The following RELN variants were observed in gnomAD, a reference collection of about 807,000 sequenced individuals.
The protein encoded by RELN is reelin.
RELN carries 108 observed loss-of-function variants against 427.6 expected under a neutral mutation model. The observed-to-expected ratio is 0.25, with a 90% CI of 0.22 to 0.30. RELN has a LOEUF of 0.30. RELN is among the 10% of genes least tolerant of loss of function. RELN has a pLI of 1.00. For synonymous variants in RELN, 1,524 were observed against 1,513.4 expected (o/e 1.01, Z -0.16); for missense variants, 3,715 against 4,302.8 (o/e 0.86, Z 3.82).
chr7:103,617,170 G>A (rs144756173), intron 20 of RELN, among the ~76,000 whole-genome samples: 1 of 152,162 alleles, frequency 6.6e-6, no homozygotes, highest in Non-Finnish European at 1.5e-5. Flanking sequence ...CATATACAGT[G>A]TGTGTGTGTG....
chr7:103,875,711 A>G (rs1228612944), intron 2 of RELN, among the ~76,000 whole-genome samples: 1 of 152,140 alleles, frequency 6.6e-6, no homozygotes, highest in Non-Finnish European at 1.5e-5. Context: ...TTTTTCAGGC[A>G]TAGTCTGGAA....
At chr7:103,611,907 T>G in intron 20 of RELN, 104 bp from the exon 21 acceptor site, 1 of 945,820 alleles carries the variant, frequency 1.1e-6, no homozygotes, top group Non-Finnish European at 1.7e-6. Context: ...TTCATTTTAC[T>G]TGTTTAAACC....
chr7:103,756,732 C>A (rs370289383), intron 4 of RELN, among the ~76,000 whole-genome samples: 2 of 150,948 alleles, frequency 1.3e-5, no homozygotes, highest in Non-Finnish European at 2.9e-5. Flanking sequence ...AAATTTACAT[C>A]GTATTTTAAA....
chr7:103,723,172 G>A lies in RELN; in HGVS notation c.773C>T (p.Thr258Ile), dbSNP rs1790120421. The change falls in exon 8 of 65, where the codon ACA (threonine) becomes ATA (isoleucine). Residue 258 changes from threonine to isoleucine, a missense_variant. Thr to Ile is a moderately conservative substitution (Grantham distance 89). Coordinates refer to ENST00000428762, the MANE Select transcript of RELN (RefSeq NM_005045.4). ...AAATTGGAGGACAGAAGCTGTTGTT[G>A]TATTAAGGCCTGTGGTAATCTAAAG... ...PRELITTGLN[T>I]TTASVLQFSI... 1 of 1,592,546 alleles carries A rather than the reference G, an allele frequency of 6.3e-7. No homozygotes were observed. The highest frequency in any genetic ancestry group is 8.6e-7 in the Non-Finnish European group (1 of 1,160,856).
rs1374522926 is a variant in RELN, at chr7:103,502,878, A to G, written c.8489+138T>C. On this transcript the variant is annotated intron_variant, in intron 52 of 64. Transcript: ENST00000428762. The stretch of plus-strand genomic sequence containing the variant: ...ATGGAAGTTATGATGAAAGTAACCA[A>G]TTAGAGAACCTTTAGAGTTAGGGAG... 6.5e-6 allele frequency: 5 copies of G among 766,246 alleles called. No homozygotes were observed. In the East Asian group the frequency reaches 8.0e-5, roughly 12 times the overall value. 47.5% of individuals were successfully genotyped at this position (766,246 alleles called of 1,614,324 possible). A position where few individuals can be genotyped will look rare whatever the true frequency, so the allele number is the denominator to read the frequency against.
At chr7:103,547,770 G>A (rs1266442176) in intron 41 of RELN, among the ~76,000 whole-genome samples, 1 of 152,154 alleles carries the variant, frequency 6.6e-6, no homozygotes, top group Non-Finnish European at 1.5e-5. Context: ...AGCCTACAAG[G>A]ATTTTTTTTG....
chr7:103,888,208 C>A (rs1214018071), intron 2 of RELN, among the ~76,000 whole-genome samples: 1 of 149,752 alleles, frequency 6.7e-6, no homozygotes, highest in Admixed American at 6.8e-5. Context: ...ACATCTGGAC[C>A]TGAGCTCTTT....
chr7:103,738,810 G>A (rs1186279990), intron 6 of RELN, among the ~76,000 whole-genome samples: 3 of 150,068 alleles, frequency 2.0e-5, no homozygotes, highest in Non-Finnish European at 3.0e-5. Context: ...AGCCTCCCGA[G>A]TAGCTGGGAC....
intron 10 of RELN, among the ~76,000 whole-genome samples, chr7:103,694,633 C>T (rs544117319): frequency 4.6e-5 from 7 of 151,816 alleles, no homozygotes; most frequent in East Asian, 1.9e-4. Flanking sequence ...GAAATTTTTC[C>T]GTAAATAGCT....
chr7:103,730,165 G>A (rs569577137), intron 6 of RELN, among the ~76,000 whole-genome samples: 12 of 152,206 alleles, frequency 7.9e-5, no homozygotes, highest in African/African-American at 2.6e-4. Context: ...TCTGCCATTT[G>A]TCTCCAGTGA....
Position 103,488,592 on chromosome 7 carries a change from A to G in RELN, c.9763+1150T>C, listed in dbSNP as rs1247140179. Among the ~76,000 whole-genome samples, 3 of 152,364 alleles carry G rather than the reference A, an allele frequency of 2.0e-5. No homozygotes were observed. In the East Asian group the frequency reaches 5.8e-4, roughly 29 times the overall value. On this transcript the variant is annotated intron_variant, in intron 60 of 64. Transcript: ENST00000428762. ...AAACAACATCAACCAAGAAATCTAA[A>G]TAGATCCGACTCCAGAATTCAAAAA...
intron 10 of RELN, among the ~76,000 whole-genome samples, chr7:103,697,517 T>C (rs1834001132): frequency 6.6e-6 from 1 of 152,146 alleles, no homozygotes; most frequent in African/African-American, 2.4e-5. Flanking sequence ...GTTTCGTATT[T>C]GTATGCTGAC....
intron 4 of RELN, among the ~76,000 whole-genome samples, chr7:103,762,740 ATCT>A (rs1791334213): frequency 1.3e-5 from 2 of 152,152 alleles, no homozygotes; most frequent in South Asian, 4.1e-4. Flanking sequence ...TACATATGTC[ATCT>A]TCTTCCTTCA....
At chr7:103,641,540 G>T (rs1293345435) in intron 16 of RELN, among the ~76,000 whole-genome samples, 1 of 152,074 alleles carries the variant, frequency 6.6e-6, no homozygotes, top group East Asian at 1.9e-4. Context: ...TATTGTTTCA[G>T]GTGTCAGATA....
At chr7:103,747,239 A>G (rs1790862362) in intron 6 of RELN, among the ~76,000 whole-genome samples, 1 of 141,486 alleles carries the variant, frequency 7.1e-6, no homozygotes, top group South Asian at 2.4e-4. Flanking sequence ...CAGGAAGGGG[A>G]ACATCACACA....
chr7:103,765,180 G>A (rs970512349), intron 4 of RELN, among the ~76,000 whole-genome samples: 1 of 152,208 alleles, frequency 6.6e-6, no homozygotes, highest in Non-Finnish European at 1.5e-5. Context: ...GCATATTTAA[G>A]CACAGAGGAG....
intron 6 of RELN, among the ~76,000 whole-genome samples, chr7:103,743,104 T>C (rs1327672892): frequency 6.7e-6 from 1 of 150,042 alleles, no homozygotes; most frequent in Non-Finnish European, 1.5e-5. Flanking sequence ...TGGGGGCCAA[T>C]ATTCAACATT....
chr7:103,624,187 C>T (rs1832277318), intron 20 of RELN, among the ~76,000 whole-genome samples: 1 of 152,106 alleles, frequency 6.6e-6, no homozygotes, highest in Non-Finnish European at 1.5e-5. Context: ...TGTTCATGCT[C>T]ATAAATACCC....
At chr7:103,872,965 C>T (rs998483895) in intron 2 of RELN, among the ~76,000 whole-genome samples, 8 of 151,398 alleles carry the variant, frequency 5.3e-5, no homozygotes, top group Admixed American at 1.3e-4. Context: ...GGATATTAGC[C>T]CTTTGTCAGA....
Sources: allele counts gnomAD v4.1 joint callset (sites outside exome capture counted in the v4.1 genomes callset), GRCh38; gene constraint gnomAD v4.1.1; transcripts MANE v1.5; gene names NCBI Gene and HGNC (gene_info 2026-07-23, HGNC 2026-07-21).